NPSR1: variants seen among roughly 807,000 people sequenced by gnomAD.
NPSR1 encodes the protein neuropeptide S receptor.
A neutral mutation model predicts 46.9 loss-of-function variants in NPSR1; 48 were observed. The ratio of observed to expected loss-of-function variants is 1.02; its 90% CI spans 0.81 to 1.30. NPSR1 has a LOEUF of 1.30. NPSR1 is among the 50% of genes most tolerant of loss of function. The pLI is 0.00. For synonymous variants in NPSR1, 176 were observed against 168.1 expected (o/e 1.05, Z -0.36); for missense variants, 450 against 449.5 (o/e 1.00, Z -0.01).
chr7:34,852,706 C>T (rs1562773766), downstream of NPSR1, among the ~76,000 whole-genome samples: 1 of 152,106 alleles, frequency 6.6e-6, no homozygotes, highest in Non-Finnish European at 1.5e-5. Context: ...AGTGCTGTGA[C>T]GTTACTGTTT....
At chr7:34,867,616 G>A (rs1176547014) in intron 8 of NPSR1, among the ~76,000 whole-genome samples, 1 of 151,816 alleles carries the variant, frequency 6.6e-6, no homozygotes, top group African/African-American at 2.4e-5. Context: ...CTTTCTTCCT[G>A]AAGATTTCCG....
chr7:34,726,537 T>G (rs1360121571), intron 2 of NPSR1, among the ~76,000 whole-genome samples: 1 of 152,224 alleles, frequency 6.6e-6, no homozygotes, highest in African/African-American at 2.4e-5. Context: ...TGGCAACTCA[T>G]GCCCACACAA....
chr7:34,698,971 G>A (rs901527204), intron 2 of NPSR1, among the ~76,000 whole-genome samples: 3 of 152,136 alleles, frequency 2.0e-5, no homozygotes, highest in East Asian at 3.9e-4. Context: ...CATATAACCC[G>A]AAATCTTCAT....
chr7:34,747,712 G>A (rs2128722168), intron 2 of NPSR1, among the ~76,000 whole-genome samples: 1 of 152,300 alleles, frequency 6.6e-6, no homozygotes, highest in Middle Eastern at 3.4e-3. Context: ...TGACTACAAG[G>A]ACAAAGAGTA....
chr7:34,746,558 C>T (rs565342239), intron 2 of NPSR1, among the ~76,000 whole-genome samples: 2 of 152,278 alleles, frequency 1.3e-5, no homozygotes, highest in South Asian at 4.1e-4. Context: ...GGGAGACCTG[C>T]TGTAATATTT....
intron 2 of NPSR1, among the ~76,000 whole-genome samples, chr7:34,696,249 G>A (rs1157517703): frequency 6.6e-6 from 1 of 151,958 alleles, no homozygotes; most frequent in Non-Finnish European, 1.5e-5. Flanking sequence ...CTTCATAAGG[G>A]GGAGCTAAAT....
intron 2 of NPSR1, among the ~76,000 whole-genome samples, chr7:34,755,388 C>A (rs1000376856): frequency 6.6e-6 from 1 of 152,176 alleles, no homozygotes; most frequent in Non-Finnish European, 1.5e-5. Context: ...TGATTTAATT[C>A]TTTACATAAA....
intron 2 of NPSR1, among the ~76,000 whole-genome samples, chr7:34,749,686 A>T (rs1785407958): frequency 6.6e-6 from 1 of 152,226 alleles, no homozygotes; most frequent in African/African-American, 2.4e-5. Context: ...AAGGGAGACA[A>T]GTTGCCAATC....
At chr7:34,870,897 T>C (rs896167482) in intron 8 of NPSR1, among the ~76,000 whole-genome samples, 1 of 149,502 alleles carries the variant, frequency 6.7e-6, no homozygotes, top group Non-Finnish European at 1.5e-5. Flanking sequence ...GATGGATGGA[T>C]GGATGAATGG....
At chr7:34,670,157 C>T (rs1791974893) in intron 1 of NPSR1, among the ~76,000 whole-genome samples, 1 of 152,014 alleles carries the variant, frequency 6.6e-6, no homozygotes. Flanking sequence ...GAGAAAAGCT[C>T]AGAAATTTGA....
chr7:34,786,087 T>G (rs1293635419), intron 3 of NPSR1, among the ~76,000 whole-genome samples: 6 of 152,176 alleles, frequency 3.9e-5, no homozygotes, highest in Non-Finnish European at 8.8e-5. Flanking sequence ...AAAAATTATC[T>G]GTAGTATGCA....
intron 2 of NPSR1, among the ~76,000 whole-genome samples, chr7:34,727,511 C>G (rs569410851): frequency 6.6e-6 from 1 of 152,288 alleles, no homozygotes; most frequent in Admixed American, 6.5e-5. Flanking sequence ...GTGTGTATAG[C>G]TGGACACCAC....
rs540891288 is a variant in NPSR1 at position 34,760,534 on chromosome 7, C to G, written c.281-17928C>G. Among the ~76,000 whole-genome samples the G allele has an allele frequency of 3.5e-3, 525 of 152,144 alleles. 4 individuals are homozygous for G. The highest frequency in any genetic ancestry group is 9.3e-3 in the South Asian group (45 of 4,814). ...CTCCAGTAGCCATGCTGTGTACTGCCCATGCATGTAAGAACATACCCAACA... is the reference window on the plus strand; with the variant it reads ...CTCCAGTAGCCATGCTGTGTACTGCGCATGCATGTAAGAACATACCCAACA... On this transcript the variant is annotated intron_variant, in intron 2 of 8. Transcript: ENST00000360581.
At chr7:34,805,358 G>T (rs1424085759) in intron 3 of NPSR1, among the ~76,000 whole-genome samples, 2 of 151,060 alleles carry the variant, frequency 1.3e-5, no homozygotes, top group African/African-American at 4.9e-5. Flanking sequence ...AGAACAGAGA[G>T]CCCAGAAATA....
At chr7:34,660,304 C>T (rs1791392733) in intron 1 of NPSR1, 3 of 407,166 alleles carry the variant, frequency 7.4e-6, no homozygotes, top group Admixed American at 2.7e-5. Flanking sequence ...TTGACTAAAA[C>T]CCTGTGATTT....
intron 1 of NPSR1, among the ~76,000 whole-genome samples, chr7:34,680,109 C>T (rs973522720): frequency 6.6e-6 from 1 of 151,964 alleles, no homozygotes. Flanking sequence ...AACAAGAATG[C>T]CTTCTATCAT....
intron 5 of NPSR1, among the ~76,000 whole-genome samples, chr7:34,828,418 T>C (rs572590742): frequency 6.6e-6 from 1 of 152,220 alleles, no homozygotes; most frequent in East Asian, 1.9e-4. Flanking sequence ...AGAGGGTCTT[T>C]CAACAGAGAT....
chr7:34,818,962 A>T (rs1789401954), intron 4 of NPSR1, among the ~76,000 whole-genome samples: 2 of 152,218 alleles, frequency 1.3e-5, no homozygotes, highest in South Asian at 4.1e-4. Flanking sequence ...AAACCATAAA[A>T]ACCCTAGAAG....
At chr7:34,722,783 G>A (rs1783927641) in intron 2 of NPSR1, among the ~76,000 whole-genome samples, 1 of 152,200 alleles carries the variant, frequency 6.6e-6, no homozygotes. Flanking sequence ...GATAATGACA[G>A]TTCCGTATGT....
Sources: allele counts gnomAD v4.1 joint callset (sites outside exome capture counted in the v4.1 genomes callset), GRCh38; gene constraint gnomAD v4.1.1; transcripts MANE v1.5; gene names NCBI Gene and HGNC (gene_info 2026-07-23, HGNC 2026-07-21).